Variants in SPIDR observed in about 807,000 individuals in gnomAD.
SPIDR encodes the protein DNA repair-scaffolding protein.
SPIDR carries 93 observed loss-of-function variants against 104.6 expected under a neutral mutation model. The observed-to-expected ratio is 0.89, with a 90% CI of 0.75 to 1.06. SPIDR has a LOEUF of 1.06. Among genes scored for constraint, SPIDR ranks in the 50% least tolerant of loss-of-function variants. SPIDR has a pLI of 0.00. For synonymous variants in SPIDR, 431 were observed against 416.9 expected, an observed-to-expected ratio of 1.03 and a Z score of -0.41; for missense variants, 1,154 against 1,111.2, an observed-to-expected ratio of 1.04 and a Z score of -0.55.
chr8:47,391,585 A>G (rs1264817841), intron 5 of SPIDR, among the ~76,000 whole-genome samples: 1 of 152,102 alleles, frequency 6.6e-6, no homozygotes, highest in Non-Finnish European at 1.5e-5. Flanking sequence ...TTAAAAAATG[A>G]CTACACGAAG....
intron 8 of SPIDR, among the ~76,000 whole-genome samples, chr8:47,554,777 GA>G (rs2091107699): frequency 6.6e-6 from 1 of 152,162 alleles, no homozygotes; most frequent in African/African-American, 2.4e-5. Context: ...CCAGTGATAT[GA>G]ACCCTGTAAC....
Position 47,352,391 on chromosome 8 carries a change from T to G in SPIDR, c.526-43985T>G, listed in dbSNP as rs557633437. ...CAGTTAAAGGCTTTATATGTCTATG[T>G]GTCTTAGCCTAGACATTGGATATGT... On this transcript the variant is annotated intron_variant, in intron 5 of 19. Transcript: ENST00000297423. 1.4e-3 allele frequency among the ~76,000 whole-genome samples: 219 copies of G among 152,348 alleles called. 1 individual carries two copies. The South Asian group carries it at 0.044, about 31-fold the overall frequency.
chr8:47,609,825 C>T (rs1057459952), intron 10 of SPIDR, among the ~76,000 whole-genome samples: 4 of 152,130 alleles, frequency 2.6e-5, no homozygotes, highest in African/African-American at 7.2e-5. Flanking sequence ...GGTGAACTTA[C>T]GGATAATATG....
rs373188652 is a variant in SPIDR at position 47,435,261 on chromosome 8, G to T, written c.878-5062G>T. Among the ~76,000 whole-genome samples the T allele has an allele frequency of 1.9e-4, 29 of 152,066 alleles. 1 individual carries two copies. The highest frequency in any genetic ancestry group is 3.4e-3 in the Middle Eastern group (1 of 294). On this transcript the variant is annotated intron_variant, in intron 7 of 19. Coordinates refer to ENST00000297423, the MANE Select transcript of SPIDR (RefSeq NM_001080394.4). Reference sequence around the variant, plus strand: ...GCTCCTGGCCTCAAGCTGTCCTCCCGCCCTGGCTTCCCAAAGTGCCGGGGT... The same window carrying T: ...GCTCCTGGCCTCAAGCTGTCCTCCCTCCCTGGCTTCCCAAAGTGCCGGGGT...
chr8:47,557,561 C>T (rs1275372479), intron 8 of SPIDR, among the ~76,000 whole-genome samples: 1 of 152,154 alleles, frequency 6.6e-6, no homozygotes, highest in East Asian at 1.9e-4. Flanking sequence ...AAAAAACATG[C>T]TAAGCTATGT....
At chr8:47,522,541 A>G (rs1157969163) in intron 8 of SPIDR, among the ~76,000 whole-genome samples, 1 of 152,182 alleles carries the variant, frequency 6.6e-6, no homozygotes, top group South Asian at 2.1e-4. Context: ...CCCGGTTACC[A>G]GCATGACCCC....
chr8:47,333,045 T>C (rs939159932), intron 5 of SPIDR, among the ~76,000 whole-genome samples: 4 of 152,126 alleles, frequency 2.6e-5, no homozygotes, highest in South Asian at 2.1e-4. Context: ...TTGCCATTGC[T>C]TTTGTTAAAA....
intron 5 of SPIDR, among the ~76,000 whole-genome samples, chr8:47,347,529 C>G (rs1387102545): frequency 2.0e-5 from 3 of 152,052 alleles, no homozygotes; most frequent in African/African-American, 7.2e-5. Context: ...GTTGATCTGT[C>G]TAATATTGAC....
intron 8 of SPIDR, among the ~76,000 whole-genome samples, chr8:47,524,383 G>C (rs551840437): frequency 6.6e-6 from 1 of 152,312 alleles, no homozygotes; most frequent in African/African-American, 2.4e-5. Flanking sequence ...AGATTAAAAT[G>C]TGTGTATTTG....
intron 8 of SPIDR, among the ~76,000 whole-genome samples, chr8:47,558,879 C>T (rs957195375): frequency 6.6e-6 from 1 of 152,124 alleles, no homozygotes; most frequent in African/African-American, 2.4e-5. Flanking sequence ...ACCTCGTGAT[C>T]CACCCGCCCT....
chr8:47,424,209 C>T (rs946958795), intron 7 of SPIDR, among the ~76,000 whole-genome samples: 1 of 152,116 alleles, frequency 6.6e-6, no homozygotes, highest in Non-Finnish European at 1.5e-5. Flanking sequence ...GTGGTTGCAC[C>T]CTGGCTCCGT....
chr8:47,411,843 G>A (rs1279519112), intron 7 of SPIDR, among the ~76,000 whole-genome samples: 16 of 152,182 alleles, frequency 1.1e-4, no homozygotes, highest in Admixed American at 9.8e-4. Context: ...AAGGTGTAAG[G>A]AAGGGATCCA....
intron 6 of SPIDR, among the ~76,000 whole-genome samples, chr8:47,404,338 A>G (rs1314965749): frequency 1.3e-5 from 2 of 152,264 alleles, no homozygotes; most frequent in Non-Finnish European, 2.9e-5. Context: ...ACAAAAGCCA[A>G]AATTGACAAG....
At chr8:47,548,769 A>G (rs1385159866) in intron 8 of SPIDR, among the ~76,000 whole-genome samples, 1 of 152,096 alleles carries the variant, frequency 6.6e-6, no homozygotes, top group Non-Finnish European at 1.5e-5. Flanking sequence ...CTTTGTGTTT[A>G]TTTATTTATT....
intron 5 of SPIDR, among the ~76,000 whole-genome samples, chr8:47,321,011 G>T (rs2046454075): frequency 6.6e-6 from 1 of 152,166 alleles, no homozygotes; most frequent in South Asian, 2.1e-4. Flanking sequence ...AAAACTGGAA[G>T]CATTCCCTTT....
At chr8:47,300,441 T>C (rs2041857926) in intron 5 of SPIDR, among the ~76,000 whole-genome samples, 1 of 152,178 alleles carries the variant, frequency 6.6e-6, no homozygotes, top group Non-Finnish European at 1.5e-5. Context: ...GTTTTTTGTG[T>C]CTCTATTTCC....
intron 5 of SPIDR, among the ~76,000 whole-genome samples, chr8:47,319,472 T>G (rs1554592879): frequency 6.6e-6 from 1 of 152,088 alleles, no homozygotes; most frequent in African/African-American, 2.4e-5. Context: ...ACAAAGATAC[T>G]TAGACTCCCA....
intron 1 of SPIDR, among the ~76,000 whole-genome samples, chr8:47,264,090 A>G (rs1394371727): frequency 1.3e-5 from 2 of 152,226 alleles, no homozygotes; most frequent in African/African-American, 4.8e-5. Context: ...GAAGACTCGG[A>G]TATCTGCCTC....
At chr8:47,545,133 T>TTTTG (rs2089109676) in intron 8 of SPIDR, among the ~76,000 whole-genome samples, 1 of 141,188 alleles carries the variant, frequency 7.1e-6, no homozygotes, top group African/African-American at 2.6e-5. Context: ...TTTTTTTTTT[T>TTTTG]TTGTTGAAAC....
Sources: gnomAD v4.1 joint callset for allele counts (sites outside exome capture counted in the v4.1 genomes callset) on GRCh38, gnomAD v4.1.1 for gene constraint, MANE v1.5 for transcripts, NCBI Gene and HGNC (gene_info 2026-07-23, HGNC 2026-07-21) for gene names.